ANGPT1: variants seen among roughly 807,000 people sequenced by gnomAD.
ANGPT1 encodes the protein angiopoietin-1.
Under a neutral mutation model 62.2 loss-of-function variants are expected in ANGPT1, and 17 were observed. That is an observed-to-expected ratio of 0.27 (90% CI 0.19 to 0.41). The LOEUF is 0.41. ANGPT1 is among the 10% of genes least tolerant of loss of function. ANGPT1 has a pLI of 1.00. For missense variants in ANGPT1, 478 were observed against 594.9 expected (o/e 0.80, Z 2.04); for synonymous variants, 199 against 198.9 (o/e 1.00, Z 0.00).
At chr8:107,324,110 G>A (rs908105513) in intron 3 of ANGPT1, among the ~76,000 whole-genome samples, 38 of 149,658 alleles carry the variant, frequency 2.5e-4, no homozygotes, top group African/African-American at 8.9e-4. Flanking sequence ...TGGTTGTTAC[G>A]AGTTCAATTA....
intron 7 of ANGPT1, among the ~76,000 whole-genome samples, chr8:107,280,661 G>A (rs148277875): frequency 3.3e-4 from 50 of 152,292 alleles, no homozygotes; most frequent in South Asian, 1.0e-3. Flanking sequence ...GAACATAACC[G>A]TTAATGAGAA....
At chr8:107,280,385 A>C (rs1045433291) in intron 7 of ANGPT1, among the ~76,000 whole-genome samples, 2 of 151,880 alleles carry the variant, frequency 1.3e-5, no homozygotes, top group African/African-American at 4.8e-5. Flanking sequence ...TTAACTACAA[A>C]CAGTGCCTGG....
chr8:107,422,492 T>C (rs1009383022), intron 1 of ANGPT1, among the ~76,000 whole-genome samples: 9 of 152,210 alleles, frequency 5.9e-5, no homozygotes, highest in Admixed American at 4.6e-4. Context: ...CCCATGATAC[T>C]TACCATGGCT....
chr8:107,284,560 C>CA (rs1373180010), intron 7 of ANGPT1, 122 bp downstream of exon 7: 8,957 of 856,526 alleles, frequency 0.01, 1 homozygote, highest in Non-Finnish European at 0.011. Flanking sequence ...TAGGTCTAGA[C>CA]AAAAAAAAAA....
At chr8:107,269,770 C>A (rs575385756) in intron 7 of ANGPT1, among the ~76,000 whole-genome samples, 1 of 151,934 alleles carries the variant, frequency 6.6e-6, no homozygotes, top group Non-Finnish European at 1.5e-5. Flanking sequence ...AAAGCAGCCA[C>A]GACATAGAAT....
intron 1 of ANGPT1, among the ~76,000 whole-genome samples, chr8:107,481,671 G>T (rs1008828966): frequency 6.6e-6 from 1 of 152,004 alleles, no homozygotes; most frequent in African/African-American, 2.4e-5. Context: ...CTGACCCGCA[G>T]TTCCCAGTGT....
chr8:107,382,618 C>G (rs992047902), intron 1 of ANGPT1, among the ~76,000 whole-genome samples: 8 of 151,960 alleles, frequency 5.3e-5, no homozygotes, highest in African/African-American at 1.9e-4. Context: ...AAGCTACCAA[C>G]TGATGTCACT....
intron 6 of ANGPT1, among the ~76,000 whole-genome samples, chr8:107,288,411 G>T (rs993015155): frequency 1.3e-5 from 2 of 151,984 alleles, no homozygotes; most frequent in Non-Finnish European, 2.9e-5. Flanking sequence ...TACACAAGAG[G>T]TAATTTTTAA....
At chr8:107,457,369 A>G (rs1162907574) in intron 1 of ANGPT1, among the ~76,000 whole-genome samples, 2 of 152,130 alleles carry the variant, frequency 1.3e-5, no homozygotes, top group Non-Finnish European at 2.9e-5. Context: ...CAACAAAAGT[A>G]TCCTAAGGAA....
At chr8:107,396,517 C>CTTTTTTTTTTTTTTTTT (rs10686360) in intron 1 of ANGPT1, among the ~76,000 whole-genome samples, 3 of 84,830 alleles carry the variant, frequency 3.5e-5, no homozygotes, top group African/African-American at 4.6e-5. Context: ...TCTTTTCTCT[C>CTTTTTTTTTTTTTTTTT]TTTTTTTTTT....
At chr8:107,262,944 C>T (rs1403350371) in intron 8 of ANGPT1, among the ~76,000 whole-genome samples, 1 of 152,152 alleles carries the variant, frequency 6.6e-6, no homozygotes, top group African/African-American at 2.4e-5. Flanking sequence ...TAATATGTAA[C>T]AATTTTTTCT....
chr8:107,419,972 T>C (rs1277995423), intron 1 of ANGPT1, among the ~76,000 whole-genome samples: 1 of 152,202 alleles, frequency 6.6e-6, no homozygotes. Context: ...TTAGTTAATA[T>C]GTGCCCATTT....
At chr8:107,298,150 G>A (rs893854539) in intron 5 of ANGPT1, among the ~76,000 whole-genome samples, 2 of 151,772 alleles carry the variant, frequency 1.3e-5, no homozygotes, top group African/African-American at 4.8e-5. Context: ...AACATAATAC[G>A]GAGGCTTAAA....
At chr8:107,447,406 A>T (rs899079446) in intron 1 of ANGPT1, among the ~76,000 whole-genome samples, 2 of 152,170 alleles carry the variant, frequency 1.3e-5, no homozygotes, top group Admixed American at 6.5e-5. Context: ...AGTATTTCTT[A>T]AAAAAGCAAA....
At chr8:107,488,856 A>G (rs932634085) in intron 1 of ANGPT1, among the ~76,000 whole-genome samples, 5 of 152,206 alleles carry the variant, frequency 3.3e-5, no homozygotes, top group African/African-American at 4.8e-5. Flanking sequence ...GCTCTATATC[A>G]AGAGTGAAGA....
At chr8:107,395,968 A>T (rs931180915) in intron 1 of ANGPT1, among the ~76,000 whole-genome samples, 1 of 152,174 alleles carries the variant, frequency 6.6e-6, no homozygotes. Context: ...ATTAGAAAAG[A>T]CACTTATGTC....
intron 1 of ANGPT1, among the ~76,000 whole-genome samples, chr8:107,418,265 A>C (rs1319723563): frequency 6.6e-6 from 1 of 152,290 alleles, no homozygotes; most frequent in East Asian, 1.9e-4. Flanking sequence ...TCACCATTTT[A>C]CCATTTTCCA....
chr8:107,360,727 G>T (rs1288056590), intron 1 of ANGPT1, among the ~76,000 whole-genome samples: 1 of 152,014 alleles, frequency 6.6e-6, no homozygotes, highest in Non-Finnish European at 1.5e-5. Flanking sequence ...GGGAAATGAA[G>T]GCACCTAACA....
chr8:107,370,404 GAAA>G (rs1563591209), intron 1 of ANGPT1, among the ~76,000 whole-genome samples: 192 of 12,260 alleles, frequency 0.016, 45 homozygotes, highest in Middle Eastern at 0.14. Flanking sequence ...AAGAAAGAAA[GAAA>G]GAGTCAGGGT....
Sources: gnomAD v4.1 joint callset for allele counts (sites outside exome capture counted in the v4.1 genomes callset) on GRCh38, gnomAD v4.1.1 for gene constraint, MANE v1.5 for transcripts, NCBI Gene and HGNC (gene_info 2026-07-23, HGNC 2026-07-21) for gene names.